The following GRIN2A variants were observed in gnomAD, a reference collection of about 807,000 sequenced individuals.
GRIN2A encodes glutamate ionotropic receptor NMDA type subunit 2A.
GRIN2A carries 22 observed loss-of-function variants against 113.4 expected under a neutral mutation model. The ratio of observed to expected loss-of-function variants is 0.19; its 90% CI spans 0.14 to 0.28. GRIN2A has a LOEUF of 0.28. GRIN2A is among the 10% of genes least tolerant of loss of function. The pLI is 1.00. For synonymous variants in GRIN2A, 827 were observed against 738.4 expected, an observed-to-expected ratio of 1.12 and a Z score of -1.94; for missense variants, 1,502 against 1,887.0, an observed-to-expected ratio of 0.80 and a Z score of 3.78.
Position 9,862,964 on chromosome 16 carries a change from G to A in GRIN2A, c.1123-13003C>T, listed in dbSNP as rs181392475. On this transcript the variant is annotated intron_variant, in intron 4 of 12. Coordinates refer to ENST00000330684, the MANE Select transcript of GRIN2A (RefSeq NM_001134407.3). ...ATTGAGGTACTGTGATCACCCCAAC[G>A]GGCATTTTCTATTTTACCCTCACAA... Among the ~76,000 whole-genome samples, 48 of 152,134 alleles carry A rather than the reference G, an allele frequency of 3.2e-4. 1 individual carries two copies. Among genetic ancestry groups the A allele is most frequent in the African/African-American group, 1.1e-3 (46 of 41,500 alleles).
At chr16:9,851,085 A>C (rs1447818829) in intron 4 of GRIN2A, among the ~76,000 whole-genome samples, 1 of 152,150 alleles carries the variant, frequency 6.6e-6, no homozygotes, top group Non-Finnish European at 1.5e-5. Context: ...GTAATGTTTA[A>C]GTGTCACCAG....
intron 2 of GRIN2A, among the ~76,000 whole-genome samples, chr16:10,126,197 C>T (rs1241031815): frequency 6.6e-6 from 1 of 150,380 alleles, no homozygotes; most frequent in Non-Finnish European, 1.5e-5. Context: ...GGATCTCGCT[C>T]TGTCGCCCAG....
intron 2 of GRIN2A, among the ~76,000 whole-genome samples, chr16:10,139,422 C>G (rs1391134441): frequency 6.6e-6 from 1 of 152,134 alleles, no homozygotes; most frequent in East Asian, 1.9e-4. Context: ...GAAAATAGAT[C>G]AAATTAAAAG....
chr16:9,869,326 G>A (rs940850609), intron 4 of GRIN2A, among the ~76,000 whole-genome samples: 7 of 152,016 alleles, frequency 4.6e-5, no homozygotes, highest in African/African-American at 7.3e-5. Context: ...TCAGCTACTC[G>A]GGAGGCTGAG....
intron 2 of GRIN2A, among the ~76,000 whole-genome samples, chr16:10,109,558 C>G (rs903879384): frequency 2.7e-5 from 4 of 150,154 alleles, no homozygotes; most frequent in African/African-American, 9.8e-5. Flanking sequence ...TAACAAAAGG[C>G]AATGCATTAT....
chr16:9,941,681 A>T (rs975220666), intron 2 of GRIN2A, among the ~76,000 whole-genome samples: 3 of 152,204 alleles, frequency 2.0e-5, no homozygotes, highest in African/African-American at 7.2e-5. Flanking sequence ...GGGGGAAAAA[A>T]AACACTCAGC....
intron 3 of GRIN2A, among the ~76,000 whole-genome samples, chr16:9,932,177 G>A (rs1250591221): frequency 6.6e-6 from 1 of 152,154 alleles, no homozygotes; most frequent in African/African-American, 2.4e-5. Context: ...CCAAACCTCA[G>A]AGCAAACAAT....
At chr16:10,070,091 C>T (rs1405265495) in intron 2 of GRIN2A, among the ~76,000 whole-genome samples, 1 of 152,196 alleles carries the variant, frequency 6.6e-6, no homozygotes, top group Non-Finnish European at 1.5e-5. Context: ...TCAGTGGCAA[C>T]GTCTGCTCTT....
intron 2 of GRIN2A, among the ~76,000 whole-genome samples, chr16:10,069,647 T>C (rs2047713606): frequency 6.6e-6 from 1 of 152,258 alleles, no homozygotes; most frequent in Non-Finnish European, 1.5e-5. Context: ...GGCCATTAGA[T>C]GCACACACTT....
chr16:10,137,385 G>A (rs184590692), intron 2 of GRIN2A, among the ~76,000 whole-genome samples: 25 of 152,302 alleles, frequency 1.6e-4, no homozygotes, highest in Non-Finnish European at 3.1e-4. Flanking sequence ...CCCTACACAT[G>A]CTGACAGGTG....
intron 2 of GRIN2A, among the ~76,000 whole-genome samples, chr16:10,046,873 C>T (rs186685602): frequency 1.3e-5 from 2 of 152,308 alleles, no homozygotes; most frequent in African/African-American, 2.4e-5. Context: ...CTTCAGCTAA[C>T]GTTTATTAAG....
intron 2 of GRIN2A, among the ~76,000 whole-genome samples, chr16:10,125,259 C>G (rs535197363): frequency 6.6e-6 from 1 of 152,314 alleles, no homozygotes; most frequent in South Asian, 2.1e-4. Context: ...AGGTCTTTGA[C>G]CCTGGTGACA....
At chr16:9,783,967 T>C (rs1275989190) in intron 11 of GRIN2A, among the ~76,000 whole-genome samples, 1 of 151,864 alleles carries the variant, frequency 6.6e-6, no homozygotes, top group Non-Finnish European at 1.5e-5. Context: ...TGGGGCCTAA[T>C]GGAGGGTGGA....
At chr16:9,911,087 T>C (rs1384130800) in intron 3 of GRIN2A, among the ~76,000 whole-genome samples, 4 of 152,094 alleles carry the variant, frequency 2.6e-5, no homozygotes, top group Admixed American at 2.0e-4. Flanking sequence ...TCCAAAATAA[T>C]GTATTCCTAC....
chr16:9,781,386 G>A (rs1413603174), intron 11 of GRIN2A, among the ~76,000 whole-genome samples: 1 of 151,984 alleles, frequency 6.6e-6, no homozygotes, highest in Non-Finnish European at 1.5e-5. Flanking sequence ...TTTGAGACAG[G>A]GTCTTGTTCT....
chr16:9,993,920 T>C (rs1392470313), intron 2 of GRIN2A, among the ~76,000 whole-genome samples: 1 of 152,196 alleles, frequency 6.6e-6, no homozygotes, highest in Admixed American at 6.5e-5. Flanking sequence ...GACACATCAT[T>C]GTAATCCTCT....
intron 5 of GRIN2A, among the ~76,000 whole-genome samples, chr16:9,844,861 A>G (rs2042744386): frequency 6.6e-6 from 1 of 152,122 alleles, no homozygotes; most frequent in South Asian, 2.1e-4. Flanking sequence ...GCATGTCTTT[A>G]TCACCCAACT....
intron 3 of GRIN2A, among the ~76,000 whole-genome samples, chr16:9,931,875 A>G (rs1186524189): frequency 6.6e-6 from 1 of 152,216 alleles, no homozygotes; most frequent in Non-Finnish European, 1.5e-5. Flanking sequence ...CACAGCACAA[A>G]CTTAATGCTT....
chr16:10,101,576 T>C (rs2121943), intron 2 of GRIN2A, among the ~76,000 whole-genome samples: 141,675 of 152,004 alleles, frequency 0.93, 66,781 homozygotes, highest in East Asian at 1. Context: ...GTCATTTAGG[T>C]GGTGATGTTG....
Sources: gnomAD v4.1 joint callset for allele counts (sites outside exome capture counted in the v4.1 genomes callset) on GRCh38, gnomAD v4.1.1 for gene constraint, MANE v1.5 for transcripts, NCBI Gene and HGNC (gene_info 2026-07-23, HGNC 2026-07-21) for gene names.